The following EPHA10 variants were observed in gnomAD, a reference collection of about 807,000 sequenced individuals.
EPHA10 encodes the protein EPH receptor A10.
A neutral mutation model predicts 109.7 loss-of-function variants in EPHA10; 120 were observed. The ratio of observed to expected loss-of-function variants is 1.09; its 90% CI spans 0.94 to 1.27. The LOEUF (loss-of-function observed/expected upper bound fraction) is 1.27. EPHA10 is among the 50% of genes most tolerant of loss of function. The pLI, the probability that EPHA10 is intolerant of heterozygous loss-of-function variation, is 0.00. For missense variants in EPHA10, 1,396 were observed against 1,411.1 expected (o/e 0.99, Z 0.17); for synonymous variants, 640 against 618.9 (o/e 1.03, Z -0.51).
At chr1:37,715,355 A>G (rs1187826554), downstream of EPHA10, among the ~76,000 whole-genome samples, 2 of 151,836 alleles carry the variant, frequency 1.3e-5, no homozygotes, top group Non-Finnish European at 2.9e-5. Context: ...TAACACCAAA[A>G]CTTCATCTTC....
chr1:37,747,037 T>C (rs886959576), intron 5 of EPHA10, among the ~76,000 whole-genome samples: 1 of 152,222 alleles, frequency 6.6e-6, no homozygotes, highest in African/African-American at 2.4e-5. Flanking sequence ...ATAGCACTTG[T>C]TGCACAACTA....
At chr1:37,724,921 A>G (rs1645862999) in intron 8 of EPHA10, among the ~76,000 whole-genome samples, 1 of 152,218 alleles carries the variant, frequency 6.6e-6, no homozygotes, top group Non-Finnish European at 1.5e-5. Flanking sequence ...GCCTCCACAC[A>G]TGTTCACTGT....
At position 37,715,994 on chromosome 1, in the gene EPHA10, T is replaced by G. The variant is rs747311386; in HGVS notation, c.*2378A>C. The G allele has an allele frequency of 1.7e-6, 1 of 587,376 alleles. No homozygotes were observed. The highest frequency in any genetic ancestry group is 3.3e-6 in the Non-Finnish European group (1 of 303,238). The allele number at this position is 587,376 out of a possible 1,614,324, so 36.4% of individuals were successfully genotyped here. On this transcript the variant is annotated 3_prime_UTR_variant, in exon 17 of 17. Transcript: ENST00000373048. ...CACCATATCACAGACAAGTTTTTAT[T>G]ATCCTGCATAGAGAACCCAAGAAAT... is the stretch of plus-strand genomic sequence containing the variant.
At position 37,754,188 on chromosome 1, in the gene EPHA10, G is replaced by T; in HGVS notation, c.1006+27C>A. 3.2e-6 allele frequency: 4 copies of T among 1,268,436 alleles called. No homozygotes were observed. Among genetic ancestry groups the T allele is most frequent in the Non-Finnish European group, 4.0e-6 (4 of 999,612 alleles). 78.6% of individuals were successfully genotyped at this position (1,268,436 alleles called of 1,614,324 possible). A position where few individuals can be genotyped will look rare whatever the true frequency, so the allele number is the denominator to read the frequency against. On this transcript the variant is annotated intron_variant, in intron 4 of 16. Transcript: ENST00000373048. The surrounding 1 kb of genome is among the most constrained non-coding windows in gnomAD (Gnocchi z 4.5). ...TGGCCACTCCCACCCCCCACCCTCC[G>T]CAGTGCAGCCTGGAGGGGGGACTCA...
In EPHA10 at chr1:37,754,177, C is replaced by A. The variant is rs1646371795; in HGVS notation, c.1006+38G>T. The stretch of plus-strand genomic sequence containing the variant: ...GCCTTCCTTCTTGGCCACTCCCACC[C>A]CCCACCCTCCGCAGTGCAGCCTGGA... On this transcript the variant is annotated intron_variant, in intron 4 of 16. Coordinates refer to ENST00000373048, the MANE Select transcript of EPHA10 (RefSeq NM_001099439.2). The surrounding 1 kb of genome is among the most constrained non-coding windows in gnomAD (Gnocchi z 4.5). 2 of 1,266,176 alleles carry A rather than the reference C, an allele frequency of 1.6e-6. No homozygotes were observed. The highest frequency in any genetic ancestry group is 1.6e-5 in the African/African-American group (1 of 64,488). 78.4% of individuals were successfully genotyped at this position (1,266,176 alleles called of 1,614,324 possible). A position where few individuals can be genotyped will look rare whatever the true frequency, so the allele number is the denominator to read the frequency against.
chr1:37,762,973 G>T, intron 1 of EPHA10, 124 bp from the exon 2 acceptor site: 2 of 917,640 alleles, frequency 2.2e-6, no homozygotes, highest in Non-Finnish European at 3.3e-6. Context: ...AATGATATGG[G>T]CAAGTTTTTC....
chr1:37,748,257 G>A (rs1646270576), intron 5 of EPHA10, among the ~76,000 whole-genome samples: 1 of 152,122 alleles, frequency 6.6e-6, no homozygotes, highest in Non-Finnish European at 1.5e-5. Context: ...TACTTGGGAG[G>A]CTGAGGCAGC....
At chr1:37,745,541 A>C (rs1452467101) in intron 5 of EPHA10, among the ~76,000 whole-genome samples, 1 of 152,180 alleles carries the variant, frequency 6.6e-6, no homozygotes, top group Non-Finnish European at 1.5e-5. Context: ...GAAACCACAG[A>C]CCTTTAATAA....
rs1217501658 is a variant in EPHA10, at chr1:37,764,101, T to A, written c.106+860A>T. ...CAGGAGGTCAGGACACCCCGGAGTCTTGGGAGATTACCCTCTGGAGCTTAA... is the reference window on the plus strand; with the variant it reads ...CAGGAGGTCAGGACACCCCGGAGTCATGGGAGATTACCCTCTGGAGCTTAA... On this transcript the variant is annotated intron_variant, in intron 1 of 16. Coordinates refer to ENST00000373048, the MANE Select transcript of EPHA10 (RefSeq NM_001099439.2). This position sits in a 1 kb window ranked among gnomAD's most constrained non-coding sequence, Gnocchi z 5.8. Among the ~76,000 whole-genome samples the A allele has an allele frequency of 6.6e-6, 1 of 152,126 alleles. No individual in the cohort carries two copies. Among genetic ancestry groups the A allele is most frequent in the Admixed American group, 6.5e-5 (1 of 15,280 alleles).
At chr1:37,758,858 A>C (rs1391927507) in intron 3 of EPHA10, among the ~76,000 whole-genome samples, 1 of 152,172 alleles carries the variant, frequency 6.6e-6, no homozygotes, top group Non-Finnish European at 1.5e-5. Flanking sequence ...ATATGTGTCT[A>C]TCCAGGTCCT....
rs56091464 is a variant in EPHA10 at position 37,723,168 on chromosome 1, T to C, written c.1835-2A>G. On this transcript the variant is annotated splice_acceptor_variant, in intron 9 of 16. Transcript: ENST00000373048. LOFTEE classifies it high-confidence loss of function. ...ATGTGCGACGTGTTGGGACTTTGAC[T>C]GGGAGAGAAAGAGATGAGCCTGAGG... is the stretch of plus-strand genomic sequence containing the variant. 1.2e-5 allele frequency: 20 copies of C among 1,612,712 alleles called. No homozygotes were observed. In the East Asian group the frequency reaches 4.2e-4, roughly 34 times the overall value.
At chr1:37,753,685 CAGGGGCGAGCGGGAGCAGGGGTGAGT>C (rs1646364325) in intron 4 of EPHA10, among the ~76,000 whole-genome samples, 1 of 93,026 alleles carries the variant, frequency 1.1e-5, no homozygotes, top group Non-Finnish European at 2.5e-5. Flanking sequence ...TGAGTGGGAG[CAGGGGCGAGCGGGAGCAGGGGTGAGT>C]GGGAGCAGGG....
At chr1:37,721,347 G>A (rs1645792649) in intron 11 of EPHA10, among the ~76,000 whole-genome samples, 1 of 150,440 alleles carries the variant, frequency 6.6e-6, no homozygotes, top group East Asian at 2.0e-4. Flanking sequence ...AGAATGGCAT[G>A]ATCCCAGGAG....
chr1:37,761,141 G>T (rs917903496), intron 3 of EPHA10: 47 of 1,256,866 alleles, frequency 3.7e-5, no homozygotes, highest in Non-Finnish European at 4.6e-5. Flanking sequence ...ATAAATAAAC[G>T]AGAAGGCCTG....
At chr1:37,713,990 C>G (rs1345445427), downstream of EPHA10, 1 of 152,186 alleles carries the variant, frequency 6.6e-6, no homozygotes, top group Non-Finnish European at 1.5e-5. Flanking sequence ...TGTGATGTTT[C>G]TTTCTTGGTA....
intron 10 of EPHA10, chr1:37,722,363 G>C (rs1645812175): frequency 4.4e-6 from 1 of 228,472 alleles, no homozygotes; most frequent in South Asian, 5.5e-5. Context: ...ACCCAGGATG[G>C]ATGACAATGA....
Position 37,735,278 on chromosome 1 carries a change from G to C in EPHA10, c.1470C>G (p.Tyr490Ter), listed in dbSNP as rs187675371. Residue 490 changes from tyrosine (Y) to a stop codon, truncating the protein, a stop_gained, in exon 6 of 17, where the codon TAC (tyrosine) becomes TAG (stop). Transcript: ENST00000373048. LOFTEE classifies it high-confidence loss of function. ...AGAPGANDTE[Y>*]EIRYYEKGQS... The stretch of plus-strand genomic sequence containing the variant: ...TCACCTTCTCGTAGTATCGGATCTC[G>C]TACTCCGTGTCATTGGCCCCAGGGG... The C allele has an allele frequency of 6.4e-7, 1 of 1,564,654 alleles. No individual in the cohort carries two copies. Among genetic ancestry groups the C allele is most frequent in the Non-Finnish European group, 8.7e-7 (1 of 1,154,644 alleles).
chr1:37,720,549 G>A lies in EPHA10; in HGVS notation c.2214C>T (p.His738=), dbSNP rs372463239. 2.4e-5 allele frequency: 39 copies of A among 1,609,250 alleles called. No individual in the cohort carries two copies. Among genetic ancestry groups the A allele is most frequent in the Middle Eastern group, 1.6e-4 (1 of 6,074 alleles). Residue 738 remains histidine, a synonymous_variant, in exon 13 of 17, where the codon CAC becomes CAT. Coordinates refer to ENST00000373048, the MANE Select transcript of EPHA10 (RefSeq NM_001099439.2). Reference sequence around the variant, plus strand: ...GTTGCCCAGCCACCAGCTGCCCCTCGTGCCGCTGTGGAGGGAGAAGACTGA... The same window carrying A: ...GTTGCCCAGCCACCAGCTGCCCCTCATGCCGCTGTGGAGGGAGAAGACTGA... ...HGALDGFLRR[H]EGQLVAGQLM... is the part of the protein sequence containing the mutation.
intron 3 of EPHA10, chr1:37,761,104 AC>A (rs201845566): frequency 0.051 from 53,974 of 1,052,642 alleles, 128 homozygotes; most frequent in East Asian, 0.078. Flanking sequence ...AAAAAAAAAA[AC>A]AATGACTTCC....
Sources: allele counts gnomAD v4.1 joint callset (sites outside exome capture counted in the v4.1 genomes callset), GRCh38; gene constraint gnomAD v4.1.1; non-coding constraint Gnocchi (gnomAD v3.1); transcripts MANE v1.5; gene names NCBI Gene and HGNC (gene_info 2026-07-23, HGNC 2026-07-21).